The following CCDC126 variants were observed in gnomAD, a reference collection of about 807,000 sequenced individuals.
CCDC126 encodes the protein coiled-coil domain containing 126, also known as coiled-coil domain-containing protein 126.
In CCDC126, 5 loss-of-function variants were observed where a neutral mutation model predicts 11.7. The observed-to-expected ratio is 0.43, with a 90% CI of 0.22 to 0.90. The LOEUF (loss-of-function observed/expected upper bound fraction) is 0.90. Among genes scored for constraint, CCDC126 ranks in the 40% least tolerant of loss-of-function variants. CCDC126 has a pLI of 0.27. For missense variants in CCDC126, 150 were observed against 163.1 expected (o/e 0.92, Z 0.44); for synonymous variants, 60 against 61.9 (o/e 0.97, Z 0.14).
At chr7:23,628,642 C>T (rs561907680) in intron 3 of CCDC126, among the ~76,000 whole-genome samples, 2 of 152,308 alleles carry the variant, frequency 1.3e-5, no homozygotes, top group Admixed American at 6.5e-5. Flanking sequence ...AATGTCACCC[C>T]TGCCAGCCAG....
intron 2 of CCDC126, chr7:23,604,125 A>G (rs1057164010): frequency 5.3e-5 from 8 of 152,208 alleles, no homozygotes; most frequent in African/African-American, 1.7e-4. Flanking sequence ...GCAACATGCT[A>G]TTATGTCATC....
At chr7:23,619,621 G>A (rs1033167097) in intron 3 of CCDC126, 6 of 196,032 alleles carry the variant, frequency 3.1e-5, no homozygotes, top group Admixed American at 1.2e-4. Context: ...TAGGGTACAC[G>A]TGCACAATGT....
intron 2 of CCDC126, among the ~76,000 whole-genome samples, chr7:23,599,917 TG>T (rs1324263549): frequency 6.6e-6 from 1 of 151,952 alleles, no homozygotes; most frequent in African/African-American, 2.4e-5. Flanking sequence ...TCCAAGTAAC[TG>T]GGTTTACAGG....
At chr7:23,631,236 A>G (rs1052370055) in intron 3 of CCDC126, among the ~76,000 whole-genome samples, 6 of 152,198 alleles carry the variant, frequency 3.9e-5, no homozygotes, top group Admixed American at 1.3e-4. Context: ...ATAGGGTCAA[A>G]AAAAAGGGAC....
intron 2 of CCDC126, among the ~76,000 whole-genome samples, chr7:23,600,223 C>T (rs941407237): frequency 6.6e-6 from 1 of 152,170 alleles, no homozygotes; most frequent in South Asian, 2.1e-4. Flanking sequence ...GTCTTCTATT[C>T]TGTCTCCCAA....
intron 2 of CCDC126, chr7:23,598,308 C>T (rs952209363): frequency 6.6e-6 from 1 of 152,252 alleles, no homozygotes; most frequent in African/African-American, 2.4e-5. Flanking sequence ...CTTTCATTAG[C>T]TATGACTGAA....
chr7:23,607,078 C>T (rs1370673451), intron 2 of CCDC126, among the ~76,000 whole-genome samples: 1 of 151,700 alleles, frequency 6.6e-6, no homozygotes, highest in Non-Finnish European at 1.5e-5. Context: ...CAAGCCGGGG[C>T]AACAGAGCGA....
In CCDC126 at chr7:23,597,430, A is replaced by G. The variant is rs1368310463; in HGVS notation, c.-406A>G. ...GAGGGACGAGCGGAGTAAAATCTCC[A>G]CAAGCTGGGAACAAACCTCGTCCCA... On this transcript the variant is annotated 5_prime_UTR_variant, in exon 1 of 4. Transcript: ENST00000307471. The G allele has an allele frequency of 6.6e-6, 1 of 152,356 alleles. No individual in the cohort carries two copies. Among genetic ancestry groups the G allele is most frequent in the Non-Finnish European group, 1.5e-5 (1 of 68,176 alleles). 9.4% of individuals were successfully genotyped at this position (152,356 alleles called of 1,614,324 possible). A position where few individuals can be genotyped will look rare whatever the true frequency, so the allele number is the denominator to read the frequency against.
chr7:23,626,331 A>G (rs1584209437), intron 3 of CCDC126, among the ~76,000 whole-genome samples: 1 of 152,286 alleles, frequency 6.6e-6, no homozygotes, highest in South Asian at 2.1e-4. Flanking sequence ...GAATTCTACA[A>G]TAACTTAAAC....
intron 3 of CCDC126, among the ~76,000 whole-genome samples, chr7:23,620,268 G>A (rs1240014130): frequency 9.2e-5 from 14 of 152,182 alleles, no homozygotes; most frequent in Admixed American, 2.0e-4. Context: ...TTTAATGATC[G>A]CCATTCTAAC....
chr7:23,613,134 A>C (rs1030377959), intron 3 of CCDC126, among the ~76,000 whole-genome samples: 3 of 152,096 alleles, frequency 2.0e-5, no homozygotes, highest in African/African-American at 7.2e-5. Context: ...AACATAGTGA[A>C]ACCATTTCTC....
intron 3 of CCDC126, among the ~76,000 whole-genome samples, chr7:23,627,158 A>T (rs779664259): frequency 2.0e-4 from 31 of 152,082 alleles, no homozygotes; most frequent in Non-Finnish European, 4.6e-4. Context: ...TTTCCGACTG[A>T]CCCTGCTTTC....
At chr7:23,627,625 G>T (rs1783037977) in intron 3 of CCDC126, among the ~76,000 whole-genome samples, 2 of 151,914 alleles carry the variant, frequency 1.3e-5, no homozygotes, top group Admixed American at 1.3e-4. Context: ...TTTTGATAGG[G>T]TCTTGCTCTG....
At chr7:23,603,049 T>G (rs1461783182) in intron 2 of CCDC126, among the ~76,000 whole-genome samples, 3 of 152,226 alleles carry the variant, frequency 2.0e-5, no homozygotes, top group Non-Finnish European at 4.4e-5. Context: ...AAGGTTGTGT[T>G]TGAGCCTAGG....
intron 3 of CCDC126, among the ~76,000 whole-genome samples, chr7:23,627,765 A>T (rs921621566): frequency 6.7e-6 from 1 of 148,364 alleles, no homozygotes; most frequent in African/African-American, 2.5e-5. Context: ...CACACAGCCA[A>T]TTTTTTTTTT....
At chr7:23,618,559 TTTTA>T (rs1191467968) in intron 3 of CCDC126, among the ~76,000 whole-genome samples, 13 of 143,916 alleles carry the variant, frequency 9.0e-5, no homozygotes, top group Non-Finnish European at 9.4e-5. Context: ...TTTTTTTTTT[TTTTA>T]AATTTGAGAC....
intron 3 of CCDC126, among the ~76,000 whole-genome samples, chr7:23,627,019 T>A (rs989229463): frequency 6.6e-6 from 1 of 152,204 alleles, no homozygotes; most frequent in Non-Finnish European, 1.5e-5. Flanking sequence ...GTGATTTGCC[T>A]AGAACAATGA....
chr7:23,612,686 A>C (rs936201381), intron 3 of CCDC126, among the ~76,000 whole-genome samples: 4 of 151,890 alleles, frequency 2.6e-5, no homozygotes, highest in Non-Finnish European at 4.4e-5. Flanking sequence ...AGAAAAGTCT[A>C]AAAAAATGAC....
intron 3 of CCDC126, among the ~76,000 whole-genome samples, chr7:23,613,312 C>CA (rs564151669): frequency 3.2e-4 from 44 of 137,586 alleles, no homozygotes; most frequent in African/African-American, 3.8e-4. Flanking sequence ...GACCCTGTCT[C>CA]AAAAAAAAAA....
Sources: allele counts gnomAD v4.1 joint callset (sites outside exome capture counted in the v4.1 genomes callset), GRCh38; gene constraint gnomAD v4.1.1; transcripts MANE v1.5; gene names NCBI Gene and HGNC (gene_info 2026-07-23, HGNC 2026-07-21).